The following ACCSL variants were observed in gnomAD, a reference collection of about 807,000 sequenced individuals.
The protein encoded by ACCSL is 1-aminocyclopropane-1-carboxylate synthase homolog (inactive) like.
Under a neutral mutation model 61.7 loss-of-function variants are expected in ACCSL, and 55 were observed. The ratio of observed to expected loss-of-function variants is 0.89; its 90% CI spans 0.72 to 1.12. The LOEUF is 1.12. Ranked by LOEUF, ACCSL falls within the 50% of genes most tolerant of loss-of-function variation. ACCSL has a pLI of 0.00. For synonymous variants in ACCSL, 258 were observed against 264.3 expected (o/e 0.98, Z 0.23); for missense variants, 632 against 698.0 (o/e 0.91, Z 1.07).
the ACCSL span, chr11:43,943,810 C>G: frequency 1.5e-6 from 2 of 1,302,632 alleles, no homozygotes; most frequent in Non-Finnish European, 2.0e-6. This position sits in a 1 kb window ranked among gnomAD's most constrained non-coding sequence, Gnocchi z 4.8. Flanking sequence ...ATTTATTTAA[C>G]GATCTTTTTA....
the ACCSL span, among the ~76,000 whole-genome samples, chr11:44,012,186 T>C: frequency 6.6e-6 from 1 of 152,186 alleles, no homozygotes. Context: ...GGTTCCCATT[T>C]ATGCCCACTT....
the ACCSL span, among the ~76,000 whole-genome samples, chr11:43,969,781 G>A: frequency 6.6e-6 from 1 of 152,228 alleles, no homozygotes; most frequent in East Asian, 1.9e-4. Flanking sequence ...GTCTCCTCAT[G>A]TTATTTCCTC....
the ACCSL span, among the ~76,000 whole-genome samples, chr11:44,040,513 A>T: frequency 6.6e-6 from 1 of 152,268 alleles, no homozygotes; most frequent in Admixed American, 6.5e-5. Flanking sequence ...GGTGGATCTT[A>T]TTATTACCTC....
At chr11:43,944,064 C>T in the ACCSL span, 2 of 361,374 alleles carry the variant, frequency 5.5e-6, no homozygotes, top group South Asian at 4.3e-5. Context: ...CCTGCCTCCC[C>T]AAGTGGATCC....
chr11:43,950,997 T>C, the ACCSL span, among the ~76,000 whole-genome samples: 2 of 152,138 alleles, frequency 1.3e-5, no homozygotes, highest in African/African-American at 4.8e-5. Context: ...ACACATATTG[T>C]AGTTTGGAAA....
At chr11:43,978,448 T>G in the ACCSL span, among the ~76,000 whole-genome samples, 14,477 of 152,212 alleles carry the variant, frequency 0.095, 711 homozygotes, top group Non-Finnish European at 0.12. Context: ...ACATGTAAAT[T>G]TACAATGATA....
rs1045861262 is a variant in ACCSL, at chr11:44,058,527, G to A, written c.1471-19G>A. On this transcript the variant is annotated intron_variant, in intron 12 of 13. Transcript: ENST00000378832. The stretch of plus-strand genomic sequence containing the variant: ...CCAGCTGGGTCTTGGGCTCAGTTCT[G>A]TTCCTCTGCCCTCCCTAGTACCTGG... 6.2e-7 allele frequency: 1 copy of A among 1,613,954 alleles called. No individual in the cohort carries two copies. The highest frequency in any genetic ancestry group is 1.7e-5 in the Admixed American group (1 of 60,016).
At chr11:43,943,028 C>T in the ACCSL span, 2 of 1,507,212 alleles carry the variant, frequency 1.3e-6, no homozygotes, top group Non-Finnish European at 1.8e-6. This position sits in a 1 kb window ranked among gnomAD's most constrained non-coding sequence, Gnocchi z 4.8. Flanking sequence ...GCCCAAGGGC[C>T]GGGGCCGGCT....
the ACCSL span, among the ~76,000 whole-genome samples, chr11:44,026,111 C>T: frequency 6.6e-6 from 1 of 152,116 alleles, no homozygotes; most frequent in Non-Finnish European, 1.5e-5. Flanking sequence ...GCCATTATTT[C>T]TTCAAATATT....
At chr11:44,034,120 A>G in the ACCSL span, among the ~76,000 whole-genome samples, 5 of 152,064 alleles carry the variant, frequency 3.3e-5, no homozygotes, top group Admixed American at 3.3e-4. Context: ...GGGGCGTCTA[A>G]TGCAAGCTGT....
chr11:43,992,924 C>T, the ACCSL span, among the ~76,000 whole-genome samples: 3 of 152,226 alleles, frequency 2.0e-5, no homozygotes, highest in Non-Finnish European at 4.4e-5. Context: ...CTCTCTCCGT[C>T]GTGTGGCTGC....
the ACCSL span, among the ~76,000 whole-genome samples, chr11:44,026,065 C>G: frequency 1.3e-5 from 2 of 152,134 alleles, no homozygotes; most frequent in Admixed American, 1.3e-4. Context: ...CTTGGGTGTG[C>G]AGATTAATAT....
upstream of ACCSL, among the ~76,000 whole-genome samples, chr11:44,045,805 G>A (rs954315960): frequency 4.6e-5 from 7 of 152,204 alleles, no homozygotes; most frequent in Admixed American, 4.6e-4. Context: ...TGAGCTGGCT[G>A]ATGTTACAGA....
chr11:44,039,232 T>C, the ACCSL span, among the ~76,000 whole-genome samples: 1 of 152,136 alleles, frequency 6.6e-6, no homozygotes, highest in Non-Finnish European at 1.5e-5. Context: ...TTCCTTTAGG[T>C]GTGGAATCTA....
At chr11:43,973,847 C>T in the ACCSL span, 3 of 152,074 alleles carry the variant, frequency 2.0e-5, no homozygotes, top group Non-Finnish European at 4.4e-5. Context: ...AAATGCAACC[C>T]CCAACTCTAG....
At chr11:43,957,839 C>T in the ACCSL span, among the ~76,000 whole-genome samples, 1 of 152,078 alleles carries the variant, frequency 6.6e-6, no homozygotes, top group African/African-American at 2.4e-5. Context: ...TGTGTGACCG[C>T]CCCCCCAACA....
At chr11:43,992,054 C>CTTTTTTTTTT in the ACCSL span, among the ~76,000 whole-genome samples, 2 of 114,146 alleles carry the variant, frequency 1.8e-5, no homozygotes, top group African/African-American at 3.6e-5. Context: ...TTCTTTCTTT[C>CTTTTTTTTTT]TTTTTTTTTT....
the ACCSL span, among the ~76,000 whole-genome samples, chr11:44,028,486 T>G: frequency 4.3e-3 from 662 of 152,300 alleles, 2 homozygotes; most frequent in African/African-American, 0.016. Flanking sequence ...CATTTTGAAT[T>G]TAAACAGCTA....
chr11:43,979,227 G>A, the ACCSL span, among the ~76,000 whole-genome samples: 45 of 152,286 alleles, frequency 3.0e-4, 1 homozygote, highest in South Asian at 8.3e-3. Flanking sequence ...AGCTATTTGG[G>A]AGGCTGAGAC....
Sources: gnomAD v4.1 joint callset for allele counts (sites outside exome capture counted in the v4.1 genomes callset) on GRCh38, gnomAD v4.1.1 for gene constraint, Gnocchi (gnomAD v3.1) non-coding constraint, MANE v1.5 for transcripts, NCBI Gene and HGNC (gene_info 2026-07-23, HGNC 2026-07-21) for gene names.